The following CD44 variants were observed in gnomAD, a reference collection of about 807,000 sequenced individuals.
The protein encoded by CD44 is CD44 molecule (IN blood group).
A neutral mutation model predicts 88.8 loss-of-function variants in CD44; 49 were observed. The ratio of observed to expected loss-of-function variants is 0.55; its 90% CI spans 0.44 to 0.70. The LOEUF (loss-of-function observed/expected upper bound fraction) is 0.70, where lower values mean the gene tolerates loss of function less well. Among genes scored for constraint, CD44 ranks in the 30% least tolerant of loss-of-function variants. CD44 has a pLI of 0.00. For synonymous variants in CD44, 325 were observed against 312.3 expected, an observed-to-expected ratio of 1.04 and a Z score of -0.43; for missense variants, 883 against 913.8, an observed-to-expected ratio of 0.97 and a Z score of 0.43.
At chr11:35,167,730 C>A (rs1248432264) in intron 1 of CD44, among the ~76,000 whole-genome samples, 2 of 152,198 alleles carry the variant, frequency 1.3e-5, no homozygotes, top group African/African-American at 2.4e-5. Flanking sequence ...GGAGCCTTAG[C>A]TTGGTCAGTC....
chr11:35,171,328 C>T (rs914654636), intron 1 of CD44, among the ~76,000 whole-genome samples: 12 of 152,226 alleles, frequency 7.9e-5, no homozygotes, highest in Admixed American at 2.0e-4. Flanking sequence ...TGACACCATT[C>T]TTGCAACTCC....
intron 1 of CD44, among the ~76,000 whole-genome samples, chr11:35,151,263 G>A (rs921658556): frequency 1.3e-5 from 2 of 151,918 alleles, no homozygotes; most frequent in Admixed American, 1.3e-4. Flanking sequence ...TGAGAGATGA[G>A]GTCGGACAGA....
intron 8 of CD44, among the ~76,000 whole-genome samples, 188 bp downstream of exon 8, chr11:35,201,383 A>AT (rs1442163575): frequency 4.6e-5 from 7 of 152,130 alleles, no homozygotes; most frequent in Admixed American, 4.6e-4. Flanking sequence ...TGGGCACAGG[A>AT]TTTTTTATGT....
At chr11:35,140,735 A>G (rs1052959086) in intron 1 of CD44, among the ~76,000 whole-genome samples, 1 of 152,116 alleles carries the variant, frequency 6.6e-6, no homozygotes, top group Non-Finnish European at 1.5e-5. Flanking sequence ...GATAGCAACA[A>G]CACAGCCTGT....
intron 3 of CD44, among the ~76,000 whole-genome samples, chr11:35,185,925 G>T (rs1349969783): frequency 6.6e-6 from 1 of 152,274 alleles, no homozygotes; most frequent in Admixed American, 6.5e-5. Flanking sequence ...TTATCAGACC[G>T]CTTGAGACAG....
intron 6 of CD44, chr11:35,197,620 T>C (rs1946883844): frequency 6.5e-6 from 1 of 153,608 alleles, no homozygotes; most frequent in African/African-American, 2.4e-5. Flanking sequence ...TGATCTGATC[T>C]GATACTAGAG....
chr11:35,149,165 C>T (rs1210619446), intron 1 of CD44, among the ~76,000 whole-genome samples: 1 of 152,206 alleles, frequency 6.6e-6, no homozygotes, highest in Admixed American at 6.5e-5. Flanking sequence ...ACCTTAAAAT[C>T]ATGTTCTCAA....
rs559145250 is a variant in CD44, at chr11:35,141,047, C to T, written c.67+1677C>T. Among the ~76,000 whole-genome samples the T allele has an allele frequency of 2.6e-5, 4 of 152,070 alleles. No individual in the cohort carries two copies. In the South Asian group the frequency reaches 6.2e-4, roughly 24 times the overall value. On this transcript the variant is annotated intron_variant, in intron 1 of 17. Coordinates refer to ENST00000428726, the MANE Select transcript of CD44 (RefSeq NM_000610.4). ...AAAAAAAAAATGAATACAGTGCTAG[C>T]TACCATTTACTGTATATTTTCACTG...
intron 1 of CD44, among the ~76,000 whole-genome samples, chr11:35,154,445 TAG>T (rs1941588543): frequency 6.6e-6 from 1 of 152,222 alleles, no homozygotes; most frequent in South Asian, 2.1e-4. Flanking sequence ...AACAGCGAGA[TAG>T]TTGTGCTGAC....
At chr11:35,200,152 A>T (rs1008294032) in intron 7 of CD44, among the ~76,000 whole-genome samples, 1 of 152,048 alleles carries the variant, frequency 6.6e-6, no homozygotes, top group Non-Finnish European at 1.5e-5. Context: ...TTGATTTTTC[A>T]TAACTTGTAA....
At chr11:35,226,907 C>T (rs1291323232) in intron 17 of CD44, among the ~76,000 whole-genome samples, 6 of 77,746 alleles carry the variant, frequency 7.7e-5, no homozygotes, top group East Asian at 3.8e-4. Context: ...TTTTTTGAGA[C>T]GGAGTCTTAC....
At chr11:35,180,199 A>G in intron 2 of CD44, 75 bp from the exon 3 acceptor site, 1 of 1,470,772 alleles carries the variant, frequency 6.8e-7, no homozygotes. Context: ...ACGGCATTAA[A>G]TGTCATTGAA....
At chr11:35,160,066 T>G (rs353644) in intron 1 of CD44, among the ~76,000 whole-genome samples, 2 of 152,012 alleles carry the variant, frequency 1.3e-5, no homozygotes, top group Admixed American at 1.3e-4. Context: ...TCCAAGGCCA[T>G]CAAAGATCAA....
In CD44 at chr11:35,208,106, T is replaced by C; in HGVS notation, c.1416T>C (p.Asp472=). ...TAACACTAATATTGATTCCTTCAGATATGGACTCCAGTCATAGTATAACGC... is the reference window on the plus strand; with the variant it reads ...TAACACTAATATTGATTCCTTCAGACATGGACTCCAGTCATAGTATAACGC... The part of the protein sequence containing the change: ...GRGHQAGRRM[D]MDSSHSITLQ... The change falls in exon 12 of 18, where the codon GAT becomes GAC. Residue 472 remains aspartate (D), a splice_region_variant and synonymous_variant. Coordinates refer to ENST00000428726, the MANE Select transcript of CD44 (RefSeq NM_000610.4). 1 of 1,576,372 alleles carries C rather than the reference T, an allele frequency of 6.3e-7. No individual in the cohort carries two copies. The highest frequency in any genetic ancestry group is 8.7e-7 in the Non-Finnish European group (1 of 1,145,978).
At chr11:35,156,873 A>C (rs1486276473) in intron 1 of CD44, among the ~76,000 whole-genome samples, 1 of 152,180 alleles carries the variant, frequency 6.6e-6, no homozygotes, top group African/African-American at 2.4e-5. Context: ...CTCTACAAAA[A>C]TATATTTTTA....
chr11:35,167,967 TC>T (rs1341754798), intron 1 of CD44, among the ~76,000 whole-genome samples: 2 of 152,184 alleles, frequency 1.3e-5, no homozygotes, highest in Non-Finnish European at 2.9e-5. Context: ...ACAGGCAGAA[TC>T]AGAGAGAAGC....
chr11:35,147,221 T>C (rs1179920246), intron 1 of CD44, among the ~76,000 whole-genome samples: 3 of 152,166 alleles, frequency 2.0e-5, no homozygotes, highest in Non-Finnish European at 4.4e-5. Flanking sequence ...CAGCAAAATA[T>C]TTGCCCTCAC....
chr11:35,204,445 GAT>G, intron 9 of CD44, 65 bp from the exon 10 acceptor site: 1 of 1,526,966 alleles, frequency 6.5e-7, no homozygotes, highest in Non-Finnish European at 9.0e-7. Context: ...AAAGTAGAAA[GAT>G]ATGTTGACAG....
chr11:35,164,548 A>G (rs928333060), intron 1 of CD44, among the ~76,000 whole-genome samples: 1 of 152,152 alleles, frequency 6.6e-6, no homozygotes, highest in Admixed American at 6.5e-5. Context: ...ATTGGTGGTG[A>G]CCTTTTGCTT....
Sources: gnomAD v4.1 joint callset for allele counts (sites outside exome capture counted in the v4.1 genomes callset) on GRCh38, gnomAD v4.1.1 for gene constraint, MANE v1.5 for transcripts, NCBI Gene and HGNC (gene_info 2026-07-23, HGNC 2026-07-21) for gene names.